Variants in RUNDC3B observed in about 807,000 individuals in gnomAD.
RUNDC3B encodes the protein RUN domain-containing protein 3B.
In RUNDC3B, 33 loss-of-function variants were observed where a neutral mutation model predicts 58.4. The ratio of observed to expected loss-of-function variants is 0.56; its 90% CI spans 0.43 to 0.75. The LOEUF is 0.75. Ranked by LOEUF, RUNDC3B falls within the 30% of genes least tolerant of loss-of-function variation. RUNDC3B has a pLI of 0.00. For missense variants in RUNDC3B, 501 were observed against 535.7 expected (o/e 0.94, Z 0.64); for synonymous variants, 193 against 195.2 (o/e 0.99, Z 0.10).
At chr7:87,693,549 C>A (rs1025941791) in intron 2 of RUNDC3B, among the ~76,000 whole-genome samples, 1 of 152,070 alleles carries the variant, frequency 6.6e-6, no homozygotes, top group African/African-American at 2.4e-5. Flanking sequence ...GCATCGCCAG[C>A]AAGTTCAGTC....
rs1438640416 is a variant in RUNDC3B at position 87,807,423 on chromosome 7, A to T, written c.1007A>T (p.His336Leu). 6.2e-7 allele frequency: 1 copy of T among 1,613,782 alleles called. No homozygotes were observed. The highest frequency in any genetic ancestry group is 1.7e-5 in the Admixed American group (1 of 60,000). Reference sequence around the variant, plus strand: ...AGATCGAGACAAGAGTTAACTGCCCATCTCACCAACCAGTGGCCTTCTCCA... The same window carrying T: ...AGATCGAGACAAGAGTTAACTGCCCTTCTCACCAACCAGTGGCCTTCTCCA... ...DLRSRQELTA[H>L]LTNQWPSPGA... Residue 336 changes from histidine (H) to leucine (L), a missense_variant, in exon 9 of 11, where the codon CAT becomes CTT. By Grantham distance (99) the His-to-Leu change is moderately conservative. Coordinates refer to ENST00000394654, the MANE Select transcript of RUNDC3B (RefSeq NM_001134405.2).
At chr7:87,700,677 CCTGTT>C in intron 3 of RUNDC3B, 123 bp downstream of exon 3, 2 of 850,482 alleles carry the variant, frequency 2.4e-6, no homozygotes, top group Non-Finnish European at 3.6e-6. Flanking sequence ...TAAAATACGT[CCTGTT>C]CTGTGATGTT....
At chr7:87,684,095 T>G (rs1281077281) in intron 2 of RUNDC3B, among the ~76,000 whole-genome samples, 1 of 152,128 alleles carries the variant, frequency 6.6e-6, no homozygotes, top group African/African-American at 2.4e-5. Context: ...CAACTTTAAT[T>G]CATGTTAAAA....
At chr7:87,669,364 G>A (rs922088671) in intron 2 of RUNDC3B, among the ~76,000 whole-genome samples, 1 of 152,048 alleles carries the variant, frequency 6.6e-6, no homozygotes, top group East Asian at 1.9e-4. Flanking sequence ...GAGCCTATGA[G>A]TGTCATTACA....
intron 2 of RUNDC3B, among the ~76,000 whole-genome samples, chr7:87,651,278 ATTTG>A (rs775600065): frequency 1.4e-4 from 21 of 152,248 alleles, no homozygotes; most frequent in Non-Finnish European, 2.6e-4. Flanking sequence ...CATTATGTTT[ATTTG>A]TTTAGCATCT....
intron 4 of RUNDC3B, among the ~76,000 whole-genome samples, chr7:87,727,346 A>T (rs938137479): frequency 4.6e-5 from 7 of 152,204 alleles, no homozygotes; most frequent in African/African-American, 1.2e-4. Flanking sequence ...AACAAAGATA[A>T]AAACCACATG....
At chr7:87,728,248 G>C (rs1026889971) in intron 4 of RUNDC3B, among the ~76,000 whole-genome samples, 1 of 151,998 alleles carries the variant, frequency 6.6e-6, no homozygotes, top group Non-Finnish European at 1.5e-5. Context: ...CTCTTCTCCA[G>C]ACCTTCTTCT....
rs1280509340 is a variant in RUNDC3B, at chr7:87,752,464, A to T, written c.629+10885A>T. ...CAGAAGGAATGGTACCAGTTCCTCC[A>T]TGTACCTCTGGTAGAATTCAGCTGT... On this transcript the variant is annotated intron_variant, in intron 6 of 10. Transcript: ENST00000394654. Among the ~76,000 whole-genome samples, 552 of 152,056 alleles carry T rather than the reference A, an allele frequency of 3.6e-3. 7 individuals are homozygous for T. The East Asian group carries it at 0.051, about 14-fold the overall frequency.
At chr7:87,816,756 A>G (rs1837064645) in intron 10 of RUNDC3B, among the ~76,000 whole-genome samples, 1 of 152,192 alleles carries the variant, frequency 6.6e-6, no homozygotes, top group South Asian at 2.1e-4. Flanking sequence ...CAGATGTGCA[A>G]TATCAGCCTC....
intron 6 of RUNDC3B, among the ~76,000 whole-genome samples, chr7:87,749,676 C>A (rs1832849119): frequency 6.6e-6 from 1 of 151,924 alleles, no homozygotes; most frequent in Non-Finnish European, 1.5e-5. Context: ...CCCCACATTG[C>A]TGCTTTTAAT....
chr7:87,710,428 A>T, intron 3 of RUNDC3B, 142 bp from the exon 4 acceptor site: 1 of 570,922 alleles, frequency 1.8e-6, no homozygotes, highest in Middle Eastern at 4.8e-4. Context: ...ACCTATTTTT[A>T]TCTACTTAAA....
chr7:87,774,359 C>G (rs1056013208), intron 7 of RUNDC3B, among the ~76,000 whole-genome samples: 2 of 151,584 alleles, frequency 1.3e-5, no homozygotes, highest in Non-Finnish European at 2.9e-5. Context: ...AACAACCAAA[C>G]CAGTTCAAAA....
chr7:87,718,902 G>C (rs1206110765), intron 4 of RUNDC3B, among the ~76,000 whole-genome samples: 1 of 151,866 alleles, frequency 6.6e-6, no homozygotes, highest in African/African-American at 2.4e-5. Flanking sequence ...ATAAGAATCA[G>C]AAACAAAAAG....
At position 87,643,927 on chromosome 7, in the gene RUNDC3B, CG is replaced by C. The variant is rs1489783469; in HGVS notation, c.123-6893del. ...AGGCTGGAGTGCACTGGCACCATCT[CG>C]GCTCACTGCAACCTGTTCCTCCCAG... On this transcript the variant is annotated intron_variant, in intron 1 of 10. Coordinates refer to ENST00000394654, the MANE Select transcript of RUNDC3B (RefSeq NM_001134405.2). Among the ~76,000 whole-genome samples the C allele has an allele frequency of 9.2e-5, 14 of 151,980 alleles. No individual in the cohort carries two copies. The East Asian group carries it at 2.3e-3, about 25-fold the overall frequency.
At position 87,750,383 on chromosome 7, in the gene RUNDC3B, G is replaced by T. The variant is rs867016491; in HGVS notation, c.629+8804G>T. Among the ~76,000 whole-genome samples, 1,510 of 151,092 alleles carry T rather than the reference G, an allele frequency of 1.0e-2. 12 individuals carry two copies. Among genetic ancestry groups the T allele is most frequent in the Admixed American group, 0.017 (258 of 15,170 alleles). On this transcript the variant is annotated intron_variant, in intron 6 of 10. Coordinates refer to ENST00000394654, the MANE Select transcript of RUNDC3B (RefSeq NM_001134405.2). ...TAGCAGCATGATTTATAGTCCTTTG[G>T]GTATATACCCAGTAATGGGATGGCT...
At chr7:87,786,200 G>C (rs1835206494) in intron 8 of RUNDC3B, among the ~76,000 whole-genome samples, 1 of 151,924 alleles carries the variant, frequency 6.6e-6, no homozygotes, top group Non-Finnish European at 1.5e-5. Context: ...TCCTAGAATT[G>C]GACTCTGCAG....
intron 2 of RUNDC3B, among the ~76,000 whole-genome samples, chr7:87,654,959 C>A (rs1269469797): frequency 6.6e-6 from 1 of 151,912 alleles, no homozygotes; most frequent in African/African-American, 2.4e-5. Context: ...CACTATACAG[C>A]AAATAGATGA....
At chr7:87,702,682 A>C (rs1439928752) in intron 3 of RUNDC3B, among the ~76,000 whole-genome samples, 1 of 152,138 alleles carries the variant, frequency 6.6e-6, no homozygotes, top group East Asian at 1.9e-4. Context: ...GGTCCTCAGT[A>C]ATTTTTAGGA....
At chr7:87,720,618 T>C (rs1830827109) in intron 4 of RUNDC3B, among the ~76,000 whole-genome samples, 1 of 151,540 alleles carries the variant, frequency 6.6e-6, no homozygotes. Context: ...TTTTCTTTTT[T>C]TTAGACAGAG....
Sources: gnomAD v4.1 joint callset for allele counts (sites outside exome capture counted in the v4.1 genomes callset) on GRCh38, gnomAD v4.1.1 for gene constraint, MANE v1.5 for transcripts, NCBI Gene and HGNC (gene_info 2026-07-23, HGNC 2026-07-21) for gene names.